The following PRKCA variants were observed in gnomAD, a reference collection of about 807,000 sequenced individuals.
The protein encoded by PRKCA is protein kinase C alpha, also known as protein kinase C alpha type.
A neutral mutation model predicts 87.0 loss-of-function variants in PRKCA; 27 were observed. The observed-to-expected ratio is 0.31, with a 90% CI of 0.23 to 0.43. The LOEUF is 0.43. PRKCA is among the 20% of genes least tolerant of loss of function. The pLI, the probability that PRKCA is intolerant of heterozygous loss-of-function variation, is 1.00. For synonymous variants in PRKCA, 329 were observed against 311.1 expected, an observed-to-expected ratio of 1.06 and a Z score of -0.61; for missense variants, 518 against 852.3, an observed-to-expected ratio of 0.61 and a Z score of 4.88.
At chr17:66,699,035 A>G (rs1598882328) in intron 8 of PRKCA, among the ~76,000 whole-genome samples, 2 of 151,346 alleles carry the variant, frequency 1.3e-5, no homozygotes, top group East Asian at 3.9e-4. Flanking sequence ...AGATATGGAC[A>G]GTAGAAAAGG....
chr17:66,337,935 T>C (rs1471754265), intron 2 of PRKCA, among the ~76,000 whole-genome samples: 1 of 152,098 alleles, frequency 6.6e-6, no homozygotes, highest in Non-Finnish European at 1.5e-5. Context: ...AAAAAACTTT[T>C]ATTGCTAAAA....
intron 5 of PRKCA, among the ~76,000 whole-genome samples, chr17:66,685,119 C>T (rs1165561878): frequency 4.6e-5 from 7 of 152,124 alleles, no homozygotes; most frequent in African/African-American, 1.4e-4. Flanking sequence ...GGAAAGGAGT[C>T]CGGAACATCA....
At chr17:66,532,735 G>A (rs2143050115) in intron 3 of PRKCA, among the ~76,000 whole-genome samples, 1 of 152,240 alleles carries the variant, frequency 6.6e-6, no homozygotes, top group East Asian at 1.9e-4. Flanking sequence ...GGACTCACTA[G>A]AATTCCTTCC....
chr17:66,396,056 GT>G (rs10640308), intron 2 of PRKCA, among the ~76,000 whole-genome samples: 19 of 148,946 alleles, frequency 1.3e-4, no homozygotes, highest in African/African-American at 2.5e-4. Flanking sequence ...GGGTTTAACT[GT>G]TTTTTTTTTT....
chr17:66,737,622 G>A (rs9910289), intron 10 of PRKCA, among the ~76,000 whole-genome samples: 21,702 of 152,120 alleles, frequency 0.14, 1,850 homozygotes, highest in East Asian at 0.29. Context: ...GCAGCCACCC[G>A]GAGCCTCTGG....
chr17:66,586,281 C>T (rs1044237819), intron 3 of PRKCA, among the ~76,000 whole-genome samples: 10 of 152,148 alleles, frequency 6.6e-5, no homozygotes, highest in Non-Finnish European at 1.3e-4. Context: ...CTTTCCTTTA[C>T]CTAACTTGTG....
chr17:66,699,277 TG>T (rs1192156954), intron 8 of PRKCA, among the ~76,000 whole-genome samples: 1 of 150,380 alleles, frequency 6.6e-6, no homozygotes, highest in East Asian at 1.9e-4. Context: ...TAAACAAAAT[TG>T]GTAAACCTTT....
chr17:66,710,443 G>A (rs918390996), intron 8 of PRKCA, among the ~76,000 whole-genome samples: 2 of 152,050 alleles, frequency 1.3e-5, no homozygotes, highest in African/African-American at 4.8e-5. Context: ...GTCTTTTACA[G>A]GGCTGTCATG....
chr17:66,577,309 C>T (rs572815325), intron 3 of PRKCA, among the ~76,000 whole-genome samples: 22 of 152,320 alleles, frequency 1.4e-4, no homozygotes, highest in African/African-American at 5.3e-4. Context: ...CCCTCTCTCA[C>T]ATTGGTCAAG....
chr17:66,347,941 C>CTTTTTTTTTTTTTTTTTTTTTTTTTTTT lies in PRKCA; in HGVS notation c.205+41833_205+41834insTTTTTTTTTTTTTTTTTTTTTTTTTTTT, dbSNP rs57292153. On this transcript the variant is annotated intron_variant, in intron 2 of 16. Transcript: ENST00000413366. The stretch of plus-strand genomic sequence containing the variant: ...AGAATATTTACTCAGAATTCTGAAC[C>CTTTTTTTTTTTTTTTTTTTTTTTTTTTT]TTTTTTTTTTTTTTTTTTTGAGACA... 1.9e-4 allele frequency among the ~76,000 whole-genome samples: 11 copies of CTTTTTTTTTTTTTTTTTTTTTTTTTTTT among 56,452 alleles called. 1 individual carries two copies. The highest frequency in any genetic ancestry group is 6.2e-4 in the African/African-American group (11 of 17,644). 37.0% of individuals were successfully genotyped at this position (56,452 alleles called of 152,430 possible). A position where few individuals can be genotyped will look rare whatever the true frequency, so the allele number is the denominator to read the frequency against.
intron 2 of PRKCA, among the ~76,000 whole-genome samples, chr17:66,376,142 C>T (rs1909403396): frequency 6.6e-6 from 1 of 152,160 alleles, no homozygotes; most frequent in Non-Finnish European, 1.5e-5. Flanking sequence ...GTTTCCTGGG[C>T]CCTGCTGAAG....
intron 3 of PRKCA, among the ~76,000 whole-genome samples, chr17:66,547,806 C>G (rs1968192784): frequency 6.6e-6 from 1 of 152,090 alleles, no homozygotes. Context: ...TTTACTTGGG[C>G]AAATAATTAT....
rs547751307 is a variant in PRKCA at position 66,477,870 on chromosome 17, C to G, written c.206-18331C>G. Among the ~76,000 whole-genome samples, 160 of 152,274 alleles carry G rather than the reference C, an allele frequency of 1.1e-3. 1 individual carries two copies. The highest frequency in any genetic ancestry group is 3.4e-3 in the Middle Eastern group (1 of 294). On this transcript the variant is annotated intron_variant, in intron 2 of 16. Transcript: ENST00000413366. ...GAAAGAAACCTGTTAGCAGTTACTC[C>G]CCATTCTCTAACTGGGCAGACTTCT...
At chr17:66,644,092 C>T (rs1286624085) in intron 4 of PRKCA, among the ~76,000 whole-genome samples, 1 of 152,212 alleles carries the variant, frequency 6.6e-6, no homozygotes, top group Non-Finnish European at 1.5e-5. Flanking sequence ...AAGCAATATA[C>T]ATAACACAGC....
intron 2 of PRKCA, among the ~76,000 whole-genome samples, chr17:66,337,052 A>G (rs1229966801): frequency 6.6e-6 from 1 of 152,102 alleles, no homozygotes; most frequent in African/African-American, 2.4e-5. Context: ...CGGCCTCCCA[A>G]AGTGCTGGGA....
At chr17:66,653,452 G>A (rs8068549) in intron 5 of PRKCA, among the ~76,000 whole-genome samples, 87,349 of 151,724 alleles carry the variant, frequency 0.58, 25,221 homozygotes, top group Admixed American at 0.6. Flanking sequence ...ATAACCAGAT[G>A]TGGTGGTGTG....
intron 3 of PRKCA, among the ~76,000 whole-genome samples, chr17:66,539,480 T>C (rs1050312606): frequency 6.6e-6 from 1 of 151,932 alleles, no homozygotes; most frequent in African/African-American, 2.4e-5. Flanking sequence ...CTCGGCTCAC[T>C]GCAAGCTCCG....
intron 2 of PRKCA, among the ~76,000 whole-genome samples, chr17:66,319,664 T>C (rs986564832): frequency 6.6e-6 from 1 of 152,250 alleles, no homozygotes. Flanking sequence ...TTACATGACA[T>C]TGGGTTTTAA....
intron 8 of PRKCA, among the ~76,000 whole-genome samples, chr17:66,725,632 A>G (rs7218822): frequency 0.68 from 102,678 of 150,794 alleles, 35,110 homozygotes; most frequent in East Asian, 0.71. Context: ...GCAACATGGT[A>G]AAACCGCATG....
Sources: gnomAD v4.1 joint callset for allele counts (sites outside exome capture counted in the v4.1 genomes callset) on GRCh38, gnomAD v4.1.1 for gene constraint, MANE v1.5 for transcripts, NCBI Gene and HGNC (gene_info 2026-07-23, HGNC 2026-07-21) for gene names.